The following CHAF1B variants were observed in gnomAD, a reference collection of about 807,000 sequenced individuals.
CHAF1B encodes CAF-1 subunit B.
Under a neutral mutation model 60.7 loss-of-function variants are expected in CHAF1B, and 10 were observed. The ratio of observed to expected loss-of-function variants is 0.16; its 90% confidence interval spans 0.10 to 0.28. The LOEUF (loss-of-function observed/expected upper bound fraction) is 0.28. Among genes scored for constraint, CHAF1B ranks in the 10% least tolerant of loss-of-function variants. CHAF1B has a pLI of 1.00. For missense variants in CHAF1B, 558 were observed against 708.4 expected, an observed-to-expected ratio of 0.79 and a Z score of 2.41; for synonymous variants, 261 against 266.1, an observed-to-expected ratio of 0.98 and a Z score of 0.19.
chr21:36,404,262 A>G, intron 8 of CHAF1B, among the ~76,000 whole-genome samples: 1 of 150,662 alleles, frequency 6.6e-6, no homozygotes. Flanking sequence ...CACCACTCCC[A>G]GCTAATTTTT....
At position 36,413,052 on chromosome 21, in the gene CHAF1B, G is replaced by A. The variant is rs745438796; in HGVS notation, c.1230G>A (p.Ser410=). ...KTKSQTHRGS[S]PGPRPVEGTP... Reference sequence around the variant, plus strand: ...AGAGTCAGACACATCGAGGGTCTTCGCCAGGACCCAGACCGGTAGAGGGAA... The same window carrying A: ...AGAGTCAGACACATCGAGGGTCTTCACCAGGACCCAGACCGGTAGAGGGAA... The change falls in exon 12 of 14, where the codon TCG becomes TCA. Residue 410 remains serine, a synonymous_variant. Transcript: ENST00000314103. 7 of 1,614,114 alleles carry A rather than the reference G, an allele frequency of 4.3e-6. No homozygotes were observed. The highest frequency in any genetic ancestry group is 1.6e-4 in the Middle Eastern group (1 of 6,062).
At position 36,418,479 on chromosome 21, in the gene CHAF1B, G is replaced by A. The variant is rs919878638; in HGVS notation, c.*2113G>A. On this transcript the variant is annotated 3_prime_UTR_variant, in exon 14 of 14. Transcript: ENST00000314103. ...GGTGCGGTTTGCAGTTGTTGATCCT[G>A]TGCAGACAGATGAATGACCATGGGT... 1 of 152,354 alleles carries A rather than the reference G, an allele frequency of 6.6e-6. No homozygotes were observed. Among genetic ancestry groups the A allele is most frequent in the African/African-American group, 2.4e-5 (1 of 41,438 alleles). The allele number at this position is 152,354 out of a possible 1,614,324, so 9.4% of individuals were successfully genotyped here.
At chr21:36,414,734 C>T (rs2086304371) in intron 12 of CHAF1B, among the ~76,000 whole-genome samples, 1 of 152,164 alleles carries the variant, frequency 6.6e-6, no homozygotes, top group African/African-American at 2.4e-5. Flanking sequence ...ACCTCAGCCT[C>T]TCAGGTAGCT....
intron 6 of CHAF1B, 121 bp from the exon 7 acceptor site, chr21:36,399,400 G>T: frequency 1.3e-6 from 1 of 780,058 alleles, no homozygotes. Context: ...AATATCATTG[G>T]TAAAAGCTTT....
At chr21:36,415,184 C>A in intron 12 of CHAF1B, 111 bp from the exon 13 acceptor site, 1 of 670,182 alleles carries the variant, frequency 1.5e-6, no homozygotes, top group Non-Finnish European at 2.6e-6. Flanking sequence ...AGAAGTTCAG[C>A]TGAAAATTTA....
intron 8 of CHAF1B, among the ~76,000 whole-genome samples, chr21:36,406,229 C>G (rs1420036963): frequency 6.6e-6 from 1 of 152,156 alleles, no homozygotes; most frequent in African/African-American, 2.4e-5. Context: ...ACACTGAAGG[C>G]AGATAGGACA....
intron 6 of CHAF1B, 97 bp downstream of exon 6, chr21:36,397,608 A>G (rs2086152422): frequency 3.8e-6 from 2 of 529,652 alleles, no homozygotes; most frequent in Non-Finnish European, 6.5e-6. Context: ...GATTTATCAT[A>G]GTCTAACTTT....
At chr21:36,414,954 G>A (rs774923120) in intron 12 of CHAF1B, among the ~76,000 whole-genome samples, 2 of 152,068 alleles carry the variant, frequency 1.3e-5, no homozygotes, top group East Asian at 1.9e-4. Context: ...GTGTTTCGAC[G>A]CTTTCTATAT....
intron 2 of CHAF1B, among the ~76,000 whole-genome samples, chr21:36,386,840 A>G (rs1460818177): frequency 1.3e-5 from 2 of 151,866 alleles, no homozygotes; most frequent in African/African-American, 4.8e-5. Flanking sequence ...CAGCCTCCCA[A>G]ATAACTGGGA....
intron 13 of CHAF1B, 119 bp from the exon 14 acceptor site, chr21:36,416,156 G>A: frequency 1.2e-6 from 1 of 835,472 alleles, no homozygotes; most frequent in Non-Finnish European, 1.9e-6. Flanking sequence ...CATTATATCA[G>A]TATAGGATCT....
Position 36,399,453 on chromosome 21 carries a change from T to G in CHAF1B, c.579-68T>G. ...TGCGGTGGTAATAGGCTGTTGGTAATAAGTTGTTTCTGTGTGAAGCATAAT... is the reference window on the plus strand; with the variant it reads ...TGCGGTGGTAATAGGCTGTTGGTAAGAAGTTGTTTCTGTGTGAAGCATAAT... On this transcript the variant is annotated intron_variant, in intron 6 of 13. Transcript: ENST00000314103. 9 of 1,367,102 alleles carry G rather than the reference T, an allele frequency of 6.6e-6. 1 individual carries two copies. The South Asian group carries it at 1.1e-4, about 16-fold the overall frequency. 84.7% of individuals were successfully genotyped at this position (1,367,102 alleles called of 1,614,324 possible). A position where few individuals can be genotyped will look rare whatever the true frequency, so the allele number is the denominator to read the frequency against.
At chr21:36,402,921 C>T in intron 8 of CHAF1B, 70 bp downstream of exon 8, 5 of 1,235,014 alleles carry the variant, frequency 4.0e-6, no homozygotes, top group Non-Finnish European at 5.9e-6. Flanking sequence ...TTTTACGCTG[C>T]AGCTTATCAG....
chr21:36,411,651 G>A, intron 11 of CHAF1B, 47 bp downstream of exon 11: 1 of 1,606,146 alleles, frequency 6.2e-7, no homozygotes. Flanking sequence ...GACCGTGGCT[G>A]TATCCTGGAA....
chr21:36,386,230 C>T lies in CHAF1B; in HGVS notation c.94C>T (p.Leu32=). 1.2e-6 allele frequency: 2 copies of T among 1,614,216 alleles called. No individual in the cohort carries two copies. The highest frequency in any genetic ancestry group is 1.7e-6 in the Non-Finnish European group (2 of 1,180,028). Residue 32 remains leucine (L), a synonymous_variant, in exon 2 of 14, where the codon CTG becomes TTG. Coordinates refer to ENST00000314103, the MANE Select transcript of CHAF1B (RefSeq NM_005441.3). ...TGGGACGGCTGGGAGGATCCACAGA[C>T]TGGCGTCTGCCGGCGTGGACACCAA... The part of the protein sequence containing the change: ...QHGTAGRIHR[L]ASAGVDTNVR...
intron 8 of CHAF1B, among the ~76,000 whole-genome samples, chr21:36,406,532 C>T (rs218650): frequency 6.6e-6 from 1 of 151,948 alleles, no homozygotes; most frequent in African/African-American, 2.4e-5. Flanking sequence ...GTGATCCACC[C>T]GCCTCAGCCT....
intron 3 of CHAF1B, among the ~76,000 whole-genome samples, chr21:36,388,468 GTTTTTT>G (rs1168454008): frequency 7.9e-6 from 1 of 126,350 alleles, no homozygotes; most frequent in Non-Finnish European, 1.7e-5. Flanking sequence ...GGCTTTGGGA[GTTTTTT>G]TTTTTTTTTT....
rs1334177677 is a variant in CHAF1B at position 36,387,666 on chromosome 21, T to C, written c.195T>C (p.His65=). The C allele has an allele frequency of 6.2e-7, 1 of 1,614,112 alleles. No individual in the cohort carries two copies. Among genetic ancestry groups the C allele is most frequent in the East Asian group, 2.2e-5 (1 of 44,902 alleles). The change falls in exon 3 of 14, where the codon CAT becomes CAC. Residue 65 remains histidine (H), a synonymous_variant. Transcript: ENST00000314103. ...IVEFLSNLAR[H]TKAVNVVRFS... ...AATTTTTGTCCAATCTTGCTCGTCA[T>C]ACCAAAGCCGTCAATGTTGTGCGTT...
chr21:36,411,185 C>T (rs1202167159), intron 10 of CHAF1B, among the ~76,000 whole-genome samples: 2 of 150,082 alleles, frequency 1.3e-5, no homozygotes, highest in Non-Finnish European at 1.5e-5. Context: ...GCAATCTGAG[C>T]TCACTGCAAC....
At chr21:36,408,151 C>T (rs2086251754) in intron 8 of CHAF1B, among the ~76,000 whole-genome samples, 1 of 152,110 alleles carries the variant, frequency 6.6e-6, no homozygotes, top group African/African-American at 2.4e-5. Flanking sequence ...CCAAGAGCAG[C>T]AGTGTATGAT....
Sources: gnomAD v4.1 joint callset for allele counts (sites outside exome capture counted in the v4.1 genomes callset) on GRCh38, gnomAD v4.1.1 for gene constraint, MANE v1.5 for transcripts, NCBI Gene and HGNC (gene_info 2026-07-23, HGNC 2026-07-21) for gene names.